Variants in EPHB1 observed in about 807,000 individuals in gnomAD.
The protein encoded by EPHB1 is ephrin type-B receptor 1.
EPHB1 carries 30 observed loss-of-function variants against 94.4 expected under a neutral mutation model. That is an observed-to-expected ratio of 0.32 (90% confidence interval 0.24 to 0.43). EPHB1 has a LOEUF of 0.43. Among genes scored for constraint, EPHB1 ranks in the 20% least tolerant of loss-of-function variants. The probability of loss-of-function intolerance (pLI) is 1.00; values close to 1 mark genes in which losing one functional copy is unlikely to be tolerated. For missense variants in EPHB1, 1,055 were observed against 1,308.3 expected (o/e 0.81, Z 2.99); for synonymous variants, 522 against 489.1 (o/e 1.07, Z -0.89).
rs1034616526 is a variant in EPHB1 at position 135,032,244 on chromosome 3, AT to A, written c.806-74193del. 4.6e-4 allele frequency among the ~76,000 whole-genome samples: 56 copies of A among 121,154 alleles called. 1 individual carries two copies. Among genetic ancestry groups the A allele is most frequent in the South Asian group, 1.5e-3 (6 of 3,974 alleles). The allele number at this position is 121,154 out of a possible 152,430, so 79.5% of individuals were successfully genotyped here. ...TGAGACTTCTCAGATGGATTCTTTT[AT>A]TTTTTTTTTTAAATCTCTTTTTTCT... On this transcript the variant is annotated intron_variant, in intron 3 of 15. Coordinates refer to ENST00000398015, the MANE Select transcript of EPHB1 (RefSeq NM_004441.5).
chr3:135,098,265 AT>A (rs1286834114), intron 3 of EPHB1, among the ~76,000 whole-genome samples: 1 of 152,204 alleles, frequency 6.6e-6, no homozygotes, highest in African/African-American at 2.4e-5. Flanking sequence ...CAAAACATTG[AT>A]AAAGTACAGA....
At chr3:135,064,143 A>G (rs1245196380) in intron 3 of EPHB1, among the ~76,000 whole-genome samples, 1 of 151,786 alleles carries the variant, frequency 6.6e-6, no homozygotes, top group Non-Finnish European at 1.5e-5. Context: ...ACGGATATTA[A>G]TCTGTAGTTT....
chr3:135,065,349 GGTCTATTAGTAATT>G (rs1360885278), intron 3 of EPHB1, among the ~76,000 whole-genome samples: 1 of 152,042 alleles, frequency 6.6e-6, no homozygotes, highest in Non-Finnish European at 1.5e-5. Context: ...TCATATTTTA[GGTCTATTAGTAATT>G]GTTTTATAAA....
chr3:134,839,650 T>G (rs2036740570), intron 1 of EPHB1, among the ~76,000 whole-genome samples: 2 of 152,026 alleles, frequency 1.3e-5, no homozygotes, highest in South Asian at 4.2e-4. Flanking sequence ...TGACTCTGAC[T>G]GGAGTGAGAG....
intron 9 of EPHB1, 108 bp downstream of exon 9, chr3:135,167,114 G>A (rs2107700114): frequency 7.6e-7 from 1 of 1,319,970 alleles, no homozygotes; most frequent in South Asian, 1.3e-5. Context: ...CCAGTGGCAA[G>A]TTCTCTCTCA....
At chr3:135,161,106 G>A (rs547395496) in intron 6 of EPHB1, among the ~76,000 whole-genome samples, 182 of 152,284 alleles carry the variant, frequency 1.2e-3, no homozygotes, top group African/African-American at 4.1e-3. Context: ...CACAAATCAT[G>A]TGTTTAATAA....
chr3:134,937,671 A>G (rs889275245), intron 2 of EPHB1, among the ~76,000 whole-genome samples: 2 of 152,166 alleles, frequency 1.3e-5, no homozygotes, highest in African/African-American at 4.8e-5. Context: ...AGTCTCTCCC[A>G]GGGGTGACTC....
chr3:135,045,882 A>G (rs896891747), intron 3 of EPHB1, among the ~76,000 whole-genome samples: 2 of 152,240 alleles, frequency 1.3e-5, no homozygotes, highest in African/African-American at 2.4e-5. Flanking sequence ...CCACACTGCA[A>G]CTTAACTTTT....
intron 12 of EPHB1, among the ~76,000 whole-genome samples, chr3:135,206,959 G>T (rs1204960467): frequency 6.6e-6 from 1 of 151,906 alleles, no homozygotes; most frequent in East Asian, 1.9e-4. Context: ...TCTTTCAAGT[G>T]CAATTTAAAA....
chr3:134,856,906 G>A (rs2037133060), intron 1 of EPHB1, among the ~76,000 whole-genome samples: 1 of 152,218 alleles, frequency 6.6e-6, no homozygotes, highest in Non-Finnish European at 1.5e-5. Flanking sequence ...AAGGAGGAAG[G>A]TTGTAAAAAA....
chr3:135,246,838 A>G (rs1173894155), intron 13 of EPHB1, among the ~76,000 whole-genome samples: 2 of 152,216 alleles, frequency 1.3e-5, no homozygotes, highest in East Asian at 1.9e-4. Context: ...CTATTGAATG[A>G]AAGAACTAAT....
At chr3:135,077,133 G>A (rs543926009) in intron 3 of EPHB1, among the ~76,000 whole-genome samples, 9 of 152,266 alleles carry the variant, frequency 5.9e-5, no homozygotes, top group African/African-American at 2.2e-4. Context: ...GAAAGAAAGA[G>A]AAGTAGATTC....
At chr3:135,095,070 C>G (rs556278762) in intron 3 of EPHB1, among the ~76,000 whole-genome samples, 1 of 152,338 alleles carries the variant, frequency 6.6e-6, no homozygotes, top group South Asian at 2.1e-4. Context: ...GAGTGAGACT[C>G]TCACCTTCTC....
intron 12 of EPHB1, among the ~76,000 whole-genome samples, chr3:135,226,569 C>G (rs1344588307): frequency 6.6e-6 from 1 of 152,110 alleles, no homozygotes; most frequent in African/African-American, 2.4e-5. Context: ...CTCTTCCAAC[C>G]CTGAATTCGA....
chr3:134,801,511 G>T (rs748936529), intron 1 of EPHB1, among the ~76,000 whole-genome samples: 3 of 152,208 alleles, frequency 2.0e-5, no homozygotes, highest in Non-Finnish European at 4.4e-5. Context: ...TTCCTTGGAA[G>T]AGCTCTTTTT....
intron 11 of EPHB1, among the ~76,000 whole-genome samples, chr3:135,199,589 C>T (rs1053384203): frequency 2.6e-5 from 4 of 152,218 alleles, no homozygotes; most frequent in African/African-American, 9.6e-5. Context: ...TTAGAAATAG[C>T]CTGGAACTTG....
At chr3:135,085,388 T>C (rs1175724914) in intron 3 of EPHB1, among the ~76,000 whole-genome samples, 1 of 152,340 alleles carries the variant, frequency 6.6e-6, no homozygotes, top group East Asian at 1.9e-4. Context: ...CATTTAGAAC[T>C]CCTGCATGCA....
intron 1 of EPHB1, among the ~76,000 whole-genome samples, chr3:134,849,455 T>C (rs2108298993): frequency 6.6e-6 from 1 of 152,200 alleles, no homozygotes; most frequent in African/African-American, 2.4e-5. Flanking sequence ...ATGAGTGCCC[T>C]GGAAGGTAGA....
Position 135,192,813 on chromosome 3 carries a change from C to A in EPHB1, c.2120C>A (p.Ser707Tyr). The change falls in exon 11 of 16, where the codon TCT (serine) becomes TAT (tyrosine). Residue 707 changes from serine to tyrosine, a missense_variant. By Grantham distance (144) the Ser-to-Tyr change is moderately radical (BLOSUM62 -2). Transcript: ENST00000398015. ...TTCATGGAGAATGGTGCATTGGATT[C>A]TTTCCTCAGGGTAAGAGCAACTCAG... is the stretch of plus-strand genomic sequence containing the variant. Reference protein sequence around the residue: ...TEFMENGALDSFLRQNDGQFT... With the variant: ...TEFMENGALDYFLRQNDGQFT... 1 of 1,613,818 alleles carries A rather than the reference C, an allele frequency of 6.2e-7. No individual in the cohort carries two copies. Among genetic ancestry groups the A allele is most frequent in the Non-Finnish European group, 8.5e-7 (1 of 1,179,784 alleles).
Sources: gnomAD v4.1 joint callset for allele counts (sites outside exome capture counted in the v4.1 genomes callset) on GRCh38, gnomAD v4.1.1 for gene constraint, MANE v1.5 for transcripts, NCBI Gene and HGNC (gene_info 2026-07-23, HGNC 2026-07-21) for gene names.